The following DIS3L2 variants were observed in gnomAD, a reference collection of about 807,000 sequenced individuals.
The protein encoded by DIS3L2 is DIS3-like exonuclease 2.
Under a neutral mutation model 97.5 loss-of-function variants are expected in DIS3L2, and 34 were observed. That is an observed-to-expected ratio of 0.35 (90% CI 0.27 to 0.46). DIS3L2 has a LOEUF of 0.46. DIS3L2 is among the 20% of genes least tolerant of loss of function. DIS3L2 has a pLI of 1.00. For synonymous variants in DIS3L2, 435 were observed against 445.2 expected (o/e 0.98, Z 0.29); for missense variants, 1,038 against 1,146.0 (o/e 0.91, Z 1.36).
intron 13 of DIS3L2, among the ~76,000 whole-genome samples, chr2:232,272,609 G>A (rs28371829): frequency 0.029 from 4,399 of 152,296 alleles, 81 homozygotes; most frequent in Admixed American, 0.06. Flanking sequence ...AAATAGTCAT[G>A]CATATCAGAC....
At chr2:232,284,196 A>G (rs1694368035) in intron 13 of DIS3L2, among the ~76,000 whole-genome samples, 1 of 152,204 alleles carries the variant, frequency 6.6e-6, no homozygotes, top group South Asian at 2.1e-4. Flanking sequence ...AGTGGGGCAC[A>G]AACTAGAAGA....
In DIS3L2 at chr2:232,329,794, T is replaced by TTCCCCCCCC; in HGVS notation, c.1740-19_1740-18insTCCCCCCCC. 2 of 161,352 alleles carry TTCCCCCCCC rather than the reference T, an allele frequency of 1.2e-5. No homozygotes were observed. Among genetic ancestry groups the TTCCCCCCCC allele is most frequent in the Non-Finnish European group, 2.4e-5 (2 of 84,672 alleles). 10.0% of individuals were successfully genotyped at this position (161,352 alleles called of 1,614,324 possible). A position where few individuals can be genotyped will look rare whatever the true frequency, so the allele number is the denominator to read the frequency against. On this transcript the variant is annotated intron_variant, in intron 14 of 20. Transcript: ENST00000325385. ...CCCCAAACCCCAGCGGTCCCTCCCA[T>TTCCCCCCCC]CCCACCCACCCTCTGCAGGCTCGTG...
At chr2:232,333,703 G>T in intron 16 of DIS3L2, 137 bp from the exon 17 acceptor site, 1 of 1,323,220 alleles carries the variant, frequency 7.6e-7, no homozygotes, top group Non-Finnish European at 1.0e-6. Context: ...GTCCTCCCTG[G>T]CGTCACTCAG....
At chr2:232,266,705 A>G (rs1004395092) in intron 13 of DIS3L2, among the ~76,000 whole-genome samples, 12 of 151,384 alleles carry the variant, frequency 7.9e-5, no homozygotes, top group African/African-American at 2.9e-4. Context: ...ACAAAAATCC[A>G]TTTTTCCTTG....
At chr2:232,047,172 A>T (rs1346820320) in intron 5 of DIS3L2, among the ~76,000 whole-genome samples, 1 of 152,262 alleles carries the variant, frequency 6.6e-6, no homozygotes, top group Non-Finnish European at 1.5e-5. Flanking sequence ...TTATTTCAAT[A>T]TAAAGAGTTT....
At chr2:232,242,272 C>T (rs530618251) in intron 11 of DIS3L2, among the ~76,000 whole-genome samples, 2 of 152,262 alleles carry the variant, frequency 1.3e-5, no homozygotes, top group African/African-American at 4.8e-5. Flanking sequence ...TCGAAGTCCT[C>T]GGAGAAAAGG....
intron 10 of DIS3L2, among the ~76,000 whole-genome samples, chr2:232,218,129 T>G (rs2106228093): frequency 6.6e-6 from 1 of 151,804 alleles, no homozygotes; most frequent in African/African-American, 2.4e-5. Context: ...AAGAAGCGGG[T>G]GAAAGGAGGG....
chr2:232,009,900 T>G (rs1271374625), intron 1 of DIS3L2, among the ~76,000 whole-genome samples: 1 of 152,200 alleles, frequency 6.6e-6, no homozygotes, highest in Non-Finnish European at 1.5e-5. Context: ...TTTCCCTCCT[T>G]TTTTGCCCTT....
At position 232,055,191 on chromosome 2, in the gene DIS3L2, G is replaced by A. The variant is rs537551025; in HGVS notation, c.366+25111G>A. Among the ~76,000 whole-genome samples the A allele has an allele frequency of 4.6e-5, 7 of 152,306 alleles. No homozygotes were observed. In the South Asian group the frequency reaches 1.5e-3, roughly 32 times the overall value. On this transcript the variant is annotated intron_variant, in intron 5 of 20. Transcript: ENST00000325385. Reference sequence around the variant, plus strand: ...CTGATAATGGGAATGAAGCGAGGATGCTCACTATCATTACTTTTATTCCAT... The same window carrying A: ...CTGATAATGGGAATGAAGCGAGGATACTCACTATCATTACTTTTATTCCAT...
intron 4 of DIS3L2, among the ~76,000 whole-genome samples, chr2:232,028,318 A>C (rs1694715630): frequency 6.6e-6 from 1 of 152,300 alleles, no homozygotes; most frequent in East Asian, 1.9e-4. Context: ...GGCCTAAAAA[A>C]GTGGTTAAAA....
chr2:232,086,538 T>C, intron 5 of DIS3L2, among the ~76,000 whole-genome samples: 1 of 145,426 alleles, frequency 6.9e-6, no homozygotes. Flanking sequence ...GTGGAACCAT[T>C]AGTGGCAGAA....
chr2:232,190,083 T>G (rs1691567361), intron 9 of DIS3L2, among the ~76,000 whole-genome samples: 1 of 152,118 alleles, frequency 6.6e-6, no homozygotes, highest in African/African-American at 2.4e-5. Context: ...ATCTCAAAAC[T>G]TTGGGAGACT....
chr2:232,003,242 CTG>C (rs1693957487), intron 1 of DIS3L2, among the ~76,000 whole-genome samples: 1 of 152,140 alleles, frequency 6.6e-6, no homozygotes, highest in African/African-American at 2.4e-5. Context: ...TCTTTTTTCT[CTG>C]TCGTTTTAGA....
chr2:232,239,101 A>G (rs72996112), intron 11 of DIS3L2, among the ~76,000 whole-genome samples: 1,879 of 152,258 alleles, frequency 0.012, 17 homozygotes, highest in Non-Finnish European at 0.018. Flanking sequence ...CAAGATAGCT[A>G]TGGGAGTCTC....
At chr2:232,274,075 C>T (rs752465587) in intron 13 of DIS3L2, among the ~76,000 whole-genome samples, 1 of 152,146 alleles carries the variant, frequency 6.6e-6, no homozygotes, top group South Asian at 2.1e-4. Context: ...AAAGTGTGCC[C>T]AGATGACTCA....
chr2:232,170,626 A>T (rs889026426), intron 9 of DIS3L2, among the ~76,000 whole-genome samples: 1 of 152,256 alleles, frequency 6.6e-6, no homozygotes, highest in Non-Finnish European at 1.5e-5. Context: ...TTCCCATTTA[A>T]TGTCGTCCTG....
At chr2:232,318,785 CTG>C (rs1695347959) in intron 14 of DIS3L2, among the ~76,000 whole-genome samples, 1 of 152,188 alleles carries the variant, frequency 6.6e-6, no homozygotes, top group African/African-American at 2.4e-5. Flanking sequence ...CCCTGGAGAA[CTG>C]AGCAGAGCAG....
chr2:232,201,335 A>G (rs1691887757), intron 9 of DIS3L2, among the ~76,000 whole-genome samples: 1 of 152,236 alleles, frequency 6.6e-6, no homozygotes, highest in South Asian at 2.1e-4. Flanking sequence ...TTTATAGGAA[A>G]TACAGAGGAG....
intron 6 of DIS3L2, among the ~76,000 whole-genome samples, chr2:232,101,600 C>T (rs1019397045): frequency 2.0e-5 from 3 of 152,104 alleles, no homozygotes; most frequent in African/African-American, 7.2e-5. Flanking sequence ...TCAGGAATTC[C>T]AGTAGTTTTT....
Sources: allele counts gnomAD v4.1 joint callset (sites outside exome capture counted in the v4.1 genomes callset), GRCh38; gene constraint gnomAD v4.1.1; transcripts MANE v1.5; gene names NCBI Gene and HGNC (gene_info 2026-07-23, HGNC 2026-07-21).